The following ROBO1 variants were observed in gnomAD, a reference collection of about 807,000 sequenced individuals.
ROBO1 encodes roundabout homolog 1.
Under a neutral mutation model 195.9 loss-of-function variants are expected in ROBO1, and 149 were observed. The observed-to-expected ratio is 0.76, with a 90% CI of 0.67 to 0.87. The LOEUF (loss-of-function observed/expected upper bound fraction) is 0.87. Among genes scored for constraint, ROBO1 ranks in the 40% least tolerant of loss-of-function variants. The pLI is 0.00. For missense variants in ROBO1, 1,933 were observed against 2,068.3 expected (o/e 0.93, Z 1.27); for synonymous variants, 816 against 733.2 (o/e 1.11, Z -1.82).
At chr3:79,318,596 C>T (rs2109119937) in intron 2 of ROBO1, among the ~76,000 whole-genome samples, 1 of 152,320 alleles carries the variant, frequency 6.6e-6, no homozygotes, top group Admixed American at 6.5e-5. Context: ...AATCAAATCA[C>T]AAATCCCACA....
At chr3:78,708,348 A>C (rs2081601760) in intron 8 of ROBO1, among the ~76,000 whole-genome samples, 1 of 152,154 alleles carries the variant, frequency 6.6e-6, no homozygotes, top group Non-Finnish European at 1.5e-5. Flanking sequence ...AATAATTTAT[A>C]AATTTTATAG....
intron 10 of ROBO1, among the ~76,000 whole-genome samples, chr3:78,673,601 TATATACAC>T (rs1708222828): frequency 1.7e-5 from 1 of 60,456 alleles, no homozygotes; most frequent in African/African-American, 5.9e-5. Context: ...TATATATATA[TATATACAC>T]ACATATATTA....
Position 78,657,104 on chromosome 3 carries a change from G to C in ROBO1, c.2608C>G (p.Gln870Glu). The change falls in exon 18 of 31, where the codon CAG becomes GAG. Residue 870 changes from glutamine to glutamate, a missense_variant. Coordinates refer to ENST00000464233, the MANE Select transcript of ROBO1 (RefSeq NM_002941.4). ...GATCTGCACTGACACTCACCCAGCTGGATGAACTGAGGCTCACTCTTTACC... is the reference window on the plus strand; with the variant it reads ...GATCTGCACTGACACTCACCCAGCTCGATGAACTGAGGCTCACTCTTTACC... Reference protein sequence around the residue: ...SGVKSEPQFIQLDAHGNPVSP... With the variant: ...SGVKSEPQFIELDAHGNPVSP... The C allele has an allele frequency of 6.2e-7, 1 of 1,606,498 alleles. No homozygotes were observed. Among genetic ancestry groups the C allele is most frequent in the Non-Finnish European group, 8.5e-7 (1 of 1,176,424 alleles).
intron 2 of ROBO1, chr3:79,526,509 T>A (rs1200948360): frequency 6.6e-6 from 1 of 152,242 alleles, no homozygotes; most frequent in African/African-American, 2.4e-5. Context: ...CAAATATTTT[T>A]TTAAATGGCA....
intron 5 of ROBO1, among the ~76,000 whole-genome samples, chr3:78,744,165 T>C: frequency 6.6e-6 from 1 of 152,348 alleles, no homozygotes; most frequent in Non-Finnish European, 1.5e-5. Context: ...TAATGGCATC[T>C]ATACCATTTC....
intron 2 of ROBO1, among the ~76,000 whole-genome samples, chr3:79,157,344 G>A (rs1047682360): frequency 3.9e-5 from 6 of 152,008 alleles, no homozygotes; most frequent in Middle Eastern, 3.4e-3. Flanking sequence ...GAAGCAGAGT[G>A]GTGGAAGCTG....
chr3:79,430,780 T>C (rs2038644106), intron 2 of ROBO1, among the ~76,000 whole-genome samples: 1 of 152,148 alleles, frequency 6.6e-6, no homozygotes, highest in African/African-American at 2.4e-5. Flanking sequence ...TGAGAAAAGC[T>C]TGAATACATC....
chr3:79,381,994 CTTAGA>C (rs962946224), intron 2 of ROBO1, among the ~76,000 whole-genome samples: 1 of 152,068 alleles, frequency 6.6e-6, no homozygotes, highest in Non-Finnish European at 1.5e-5. Flanking sequence ...CGTATATTTA[CTTAGA>C]TATCTTTAAT....
intron 2 of ROBO1, among the ~76,000 whole-genome samples, chr3:79,136,085 T>G (rs775121775): frequency 2.6e-5 from 4 of 152,188 alleles, no homozygotes; most frequent in Non-Finnish European, 5.9e-5. Context: ...ATAGGTAATA[T>G]TGGTTTTGTA....
chr3:79,565,942 T>C (rs756789426), intron 2 of ROBO1, among the ~76,000 whole-genome samples: 7 of 152,114 alleles, frequency 4.6e-5, no homozygotes, highest in Non-Finnish European at 1.0e-4. Flanking sequence ...CAATAATTAG[T>C]TAACAATACG....
chr3:79,716,508 AATTT>A (rs1454740735), intron 1 of ROBO1, among the ~76,000 whole-genome samples: 13 of 151,970 alleles, frequency 8.6e-5, no homozygotes, highest in African/African-American at 3.1e-4. Flanking sequence ...ATTTTTCACT[AATTT>A]ATTTAACGAA....
At chr3:78,694,908 A>G (rs1476380768) in intron 8 of ROBO1, among the ~76,000 whole-genome samples, 1 of 152,160 alleles carries the variant, frequency 6.6e-6, no homozygotes, top group Non-Finnish European at 1.5e-5. Flanking sequence ...AAAAGTAGAG[A>G]AATGATTCCT....
chr3:79,515,797 G>A (rs759779734), intron 2 of ROBO1, among the ~76,000 whole-genome samples: 2 of 152,080 alleles, frequency 1.3e-5, no homozygotes, highest in Non-Finnish European at 2.9e-5. Context: ...ATCATAAAAT[G>A]TTCATGCAAC....
At position 79,381,558 on chromosome 3, in the gene ROBO1, G is replaced by A. The variant is rs115113302; in HGVS notation, c.88+208266C>T. On this transcript the variant is annotated intron_variant, in intron 2 of 30. Coordinates refer to ENST00000464233, the MANE Select transcript of ROBO1 (RefSeq NM_002941.4). ...CCTGTAAACTGTTGTAACTTATTCC[G>A]CATATATTGAGCTGCCACCTCCTAT... 2.5e-3 allele frequency among the ~76,000 whole-genome samples: 379 copies of A among 151,760 alleles called. 1 individual carries two copies. Among genetic ancestry groups the A allele is most frequent in the African/African-American group, 8.6e-3 (357 of 41,408 alleles).
intron 1 of ROBO1, among the ~76,000 whole-genome samples, chr3:79,684,643 A>T (rs1947046147): frequency 6.6e-6 from 1 of 151,622 alleles, no homozygotes; most frequent in South Asian, 2.1e-4. Context: ...TTTGTTGCAT[A>T]CTCCTGAATT....
At chr3:79,033,869 G>T (rs527689543) in intron 3 of ROBO1, among the ~76,000 whole-genome samples, 36 of 152,202 alleles carry the variant, frequency 2.4e-4, no homozygotes, top group African/African-American at 7.9e-4. Flanking sequence ...TCGAGCCATG[G>T]TTCTTTGAAA....
At chr3:79,243,171 T>A (rs1163361057) in intron 2 of ROBO1, among the ~76,000 whole-genome samples, 1 of 152,112 alleles carries the variant, frequency 6.6e-6, no homozygotes, top group Admixed American at 6.6e-5. Flanking sequence ...ACTCATCATT[T>A]TTTACGGCTG....
intron 2 of ROBO1, among the ~76,000 whole-genome samples, chr3:79,410,443 GA>G (rs914173255): frequency 6.6e-6 from 1 of 151,862 alleles, no homozygotes; most frequent in Non-Finnish European, 1.5e-5. Context: ...TAAAACAAAT[GA>G]AAAAAACAAA....
intron 10 of ROBO1, among the ~76,000 whole-genome samples, chr3:78,673,455 T>A (rs1184528324): frequency 7.0e-6 from 1 of 143,332 alleles, no homozygotes; most frequent in Non-Finnish European, 1.5e-5. Context: ...ACAGCAAGGT[T>A]ACACTACCTG....
Sources: gnomAD v4.1 joint callset for allele counts (sites outside exome capture counted in the v4.1 genomes callset) on GRCh38, gnomAD v4.1.1 for gene constraint, MANE v1.5 for transcripts, NCBI Gene and HGNC (gene_info 2026-07-23, HGNC 2026-07-21) for gene names.